Variants in PLBD1 observed in about 807,000 individuals in gnomAD.
The protein encoded by PLBD1 is phospholipase B domain containing 1.
Under a neutral mutation model 63.0 loss-of-function variants are expected in PLBD1, and 60 were observed. The ratio of observed to expected loss-of-function variants is 0.95; its 90% CI spans 0.77 to 1.18. PLBD1 has a LOEUF of 1.18. Ranked by LOEUF, PLBD1 falls within the 50% of genes most tolerant of loss-of-function variation. The pLI, the probability that PLBD1 is intolerant of heterozygous loss-of-function variation, is 0.00. For missense variants in PLBD1, 598 were observed against 677.9 expected, an observed-to-expected ratio of 0.88 and a Z score of 1.31; for synonymous variants, 262 against 248.0, an observed-to-expected ratio of 1.06 and a Z score of -0.53.
chr12:14,515,897 C>CAAA (rs71067801), intron 6 of PLBD1, among the ~76,000 whole-genome samples: 25 of 143,836 alleles, frequency 1.7e-4, no homozygotes, highest in South Asian at 6.7e-4. Context: ...ACTAAAAATA[C>CAAA]AAAAAAAAAA....
chr12:14,542,823 G>A (rs1451120565), intron 2 of PLBD1, among the ~76,000 whole-genome samples: 1 of 152,000 alleles, frequency 6.6e-6, no homozygotes, highest in African/African-American at 2.4e-5. Flanking sequence ...TGAGGCAGGC[G>A]GATCACAAGG....
chr12:14,523,501 A>C (rs193001250), intron 6 of PLBD1, among the ~76,000 whole-genome samples: 1 of 152,338 alleles, frequency 6.6e-6, no homozygotes, highest in Non-Finnish European at 1.5e-5. Flanking sequence ...ATGGAACCTC[A>C]AAAGACCCCA....
chr12:14,534,689 G>A (rs934298767), intron 6 of PLBD1, among the ~76,000 whole-genome samples: 2 of 151,964 alleles, frequency 1.3e-5, no homozygotes, highest in Non-Finnish European at 2.9e-5. Context: ...GACTACAGGC[G>A]CCCGCCACCA....
At chr12:14,511,844 A>T (rs753303766) in intron 6 of PLBD1, 133 bp from the exon 7 acceptor site, 3 of 857,034 alleles carry the variant, frequency 3.5e-6, no homozygotes, top group Non-Finnish European at 5.4e-6. Context: ...GATCTGCAGT[A>T]GCCTCCCCCA....
intron 2 of PLBD1, among the ~76,000 whole-genome samples, chr12:14,548,236 C>T (rs1236189024): frequency 4.6e-5 from 7 of 151,910 alleles, no homozygotes; most frequent in African/African-American, 9.7e-5. Context: ...GCAGACGGAT[C>T]GCCTGAGGTC....
chr12:14,553,948 G>A (rs545976886), intron 1 of PLBD1: 5 of 160,528 alleles, frequency 3.1e-5, no homozygotes, highest in African/African-American at 7.2e-5. Context: ...GACAGATGTC[G>A]CAGCCAGATT....
chr12:14,519,622 A>C (rs1325399603), intron 6 of PLBD1, among the ~76,000 whole-genome samples: 1 of 151,456 alleles, frequency 6.6e-6, no homozygotes, highest in African/African-American at 2.4e-5. Flanking sequence ...TCATCTTAAA[A>C]AAAAAAAAAA....
intron 6 of PLBD1, among the ~76,000 whole-genome samples, chr12:14,534,924 A>G (rs1945500568): frequency 6.6e-6 from 1 of 152,086 alleles, no homozygotes; most frequent in African/African-American, 2.4e-5. Context: ...CCTCTCCTCT[A>G]CTGGGACTGT....
chr12:14,546,662 G>A (rs545976716), intron 2 of PLBD1, among the ~76,000 whole-genome samples: 1 of 152,300 alleles, frequency 6.6e-6, no homozygotes, highest in South Asian at 2.1e-4. Context: ...TGCTGCTAAA[G>A]ATCCCACAAG....
intron 2 of PLBD1, 87 bp from the exon 3 acceptor site, chr12:14,542,378 T>A: frequency 2.0e-6 from 2 of 1,004,996 alleles, no homozygotes; most frequent in Non-Finnish European, 3.1e-6. Flanking sequence ...TTTGGCTAAC[T>A]AGGATGTCCC....
chr12:14,559,823 T>C lies in PLBD1; in HGVS notation c.116-6411A>G, dbSNP rs547491134. Reference sequence around the variant, plus strand: ...ACCAAAATTAAATTTATTTTATTAATATTTACTTGTATACTCTGATTAATA... The same window carrying C: ...ACCAAAATTAAATTTATTTTATTAACATTTACTTGTATACTCTGATTAATA... On this transcript the variant is annotated intron_variant, in intron 1 of 10. Transcript: ENST00000240617. Among the ~76,000 whole-genome samples the C allele has an allele frequency of 2.2e-4, 33 of 151,936 alleles. No individual in the cohort carries two copies. In the South Asian group the frequency reaches 6.8e-3, roughly 31 times the overall value.
chr12:14,519,173 T>G (rs78591676), intron 6 of PLBD1, among the ~76,000 whole-genome samples: 3 of 152,250 alleles, frequency 2.0e-5, no homozygotes, highest in Non-Finnish European at 4.4e-5. Context: ...TGATATGGAC[T>G]GAATTCTGTT....
rs1565577674 is a variant in PLBD1, at chr12:14,540,110, T to TATATATATATATATATA, written c.558+653_558+654insTATATATATATATATAT. 8.6e-4 allele frequency among the ~76,000 whole-genome samples: 79 copies of TATATATATATATATATA among 91,776 alleles called. 2 individuals are homozygous for TATATATATATATATATA. Among genetic ancestry groups the TATATATATATATATATA allele is most frequent in the South Asian group, 1.4e-3 (4 of 2,922 alleles). The allele number at this position is 91,776 out of a possible 152,430, so 60.2% of individuals were successfully genotyped here. A position where few individuals can be genotyped will look rare whatever the true frequency, so the allele number is the denominator to read the frequency against. On this transcript the variant is annotated intron_variant, in intron 4 of 10. Coordinates refer to ENST00000240617, the MANE Select transcript of PLBD1 (RefSeq NM_024829.6). ...GAGAGTTATATAATATAAATATTAT[T>TATATATATATATATATA]TATATATATATATATATATATACTG...
At chr12:14,535,195 C>T (rs1459993583) in intron 6 of PLBD1, among the ~76,000 whole-genome samples, 1 of 152,126 alleles carries the variant, frequency 6.6e-6, no homozygotes, top group Non-Finnish European at 1.5e-5. Context: ...TAAACTTACA[C>T]ATTCATTCAT....
intron 6 of PLBD1, among the ~76,000 whole-genome samples, chr12:14,512,166 TTGACACAC>T: frequency 6.6e-6 from 1 of 151,908 alleles, no homozygotes; most frequent in Admixed American, 6.6e-5. Context: ...TTTTTTTTTT[TTGACACAC>T]AGTCTGACTC....
chr12:14,560,957 C>T (rs1038439524), intron 1 of PLBD1, among the ~76,000 whole-genome samples: 9 of 151,912 alleles, frequency 5.9e-5, no homozygotes, highest in Non-Finnish European at 1.3e-4. Flanking sequence ...AAAGGTCAAA[C>T]GTTGCCCTAG....
At chr12:14,545,384 A>C (rs1351303992) in intron 2 of PLBD1, among the ~76,000 whole-genome samples, 1 of 152,248 alleles carries the variant, frequency 6.6e-6, no homozygotes, top group African/African-American at 2.4e-5. Context: ...GGGCCAGCAG[A>C]TCCATATTTT....
intron 6 of PLBD1, among the ~76,000 whole-genome samples, chr12:14,524,781 A>G (rs1050417833): frequency 7.9e-5 from 12 of 152,232 alleles, no homozygotes; most frequent in African/African-American, 2.4e-4. Flanking sequence ...TATTGGGTTT[A>G]GCGGACAAAG....
At position 14,540,887 on chromosome 12, in the gene PLBD1, C is replaced by A; in HGVS notation, c.435G>T (p.Trp145Cys). ...VQDFMEKQDKWTRKNIKEYKT... is the reference protein window; with the variant it reads ...VQDFMEKQDKCTRKNIKEYKT... ...TGTATTCTTTGATATTTTTCCGGGT[C>A]CACTTATCTTGCTTCCTGGAAGAGA... The change falls in exon 4 of 11, where the codon TGG (tryptophan) becomes TGT (cysteine). Residue 145 changes from tryptophan (W) to cysteine (C), a missense_variant. Transcript: ENST00000240617. 5 of 1,598,436 alleles carry A rather than the reference C, an allele frequency of 3.1e-6. No individual in the cohort carries two copies. Among genetic ancestry groups the A allele is most frequent in the Non-Finnish European group, 4.3e-6 (5 of 1,168,902 alleles).
Sources: gnomAD v4.1 joint callset for allele counts (sites outside exome capture counted in the v4.1 genomes callset) on GRCh38, gnomAD v4.1.1 for gene constraint, MANE v1.5 for transcripts, NCBI Gene and HGNC (gene_info 2026-07-23, HGNC 2026-07-21) for gene names.